IQCF1: variants seen among roughly 807,000 people sequenced by gnomAD.
IQCF1 encodes the protein IQ motif containing F1.
Under a neutral mutation model 12.5 loss-of-function variants are expected in IQCF1, and 9 were observed. The observed-to-expected ratio is 0.72, with a 90% CI of 0.43 to 1.26. IQCF1 has a LOEUF of 1.26. Ranked by LOEUF, IQCF1 falls within the 50% of genes most tolerant of loss-of-function variation. IQCF1 has a pLI of 0.00. For missense variants in IQCF1, 252 were observed against 257.4 expected (o/e 0.98, Z 0.14); for synonymous variants, 67 against 96.2 (o/e 0.70, Z 1.78).
rs201716508 is a variant in IQCF1, at chr3:51,895,355, G to A, written c.172-19C>T. The stretch of plus-strand genomic sequence containing the variant: ...CTGGGGGCTTTCAAGAAAAAAAGAG[G>A]GACCTTCAGAGAATGCTCCCCACTG... On this transcript the variant is annotated intron_variant, in intron 3 of 3. Transcript: ENST00000310914. The surrounding 1 kb of genome is among the most constrained non-coding windows in gnomAD (Gnocchi z 4.8). 1.1e-4 allele frequency: 171 copies of A among 1,594,308 alleles called. No homozygotes were observed. In the African/African-American group the frequency reaches 2.1e-3, roughly 19 times the overall value.
At chr3:51,896,713 GCACA>G (rs59897184) in intron 3 of IQCF1, 115 bp downstream of exon 3, 13 of 609,954 alleles carry the variant, frequency 2.1e-5, no homozygotes, top group South Asian at 3.9e-5. Flanking sequence ...ACACACACAC[GCACA>G]CACACACACA....
rs1406913918 is a variant in IQCF1 at position 51,900,220 on chromosome 3, G to A, written c.108+2765C>T. ...ACTCTACCCTGTGCTGCTAACCACC[G>A]AGACTGCTGTTGTACAGCGGAAAGG... On this transcript the variant is annotated intron_variant, in intron 2 of 3. Transcript: ENST00000310914. The surrounding 1 kb of genome is among the most constrained non-coding windows in gnomAD (Gnocchi z 4.2). Among the ~76,000 whole-genome samples, 2 of 152,068 alleles carry A rather than the reference G, an allele frequency of 1.3e-5. No homozygotes were observed. Among genetic ancestry groups the A allele is most frequent in the African/African-American group, 2.4e-5 (1 of 41,392 alleles).
chr3:51,897,145 C>T (rs1699015167), intron 2 of IQCF1, among the ~76,000 whole-genome samples: 1 of 149,618 alleles, frequency 6.7e-6, no homozygotes, highest in Non-Finnish European at 1.5e-5. Flanking sequence ...TCCTGCTCTG[C>T]CATAACCATT....
intron 3 of IQCF1, among the ~76,000 whole-genome samples, chr3:51,896,114 A>G (rs1698999906): frequency 6.6e-6 from 1 of 152,246 alleles, no homozygotes; most frequent in Non-Finnish European, 1.5e-5. Flanking sequence ...TAAAGAGATT[A>G]ACTAACATCT....
chr3:51,899,395 T>C (rs527987679), intron 2 of IQCF1, among the ~76,000 whole-genome samples: 1 of 152,344 alleles, frequency 6.6e-6, no homozygotes, highest in East Asian at 1.9e-4. Context: ...TTGTATAATT[T>C]AAAAGTAATT....
At position 51,903,196 on chromosome 3, in the gene IQCF1, T is replaced by A. The variant is rs1291792586; in HGVS notation, c.3+74A>T. 3.1e-6 allele frequency: 5 copies of A among 1,600,350 alleles called. No homozygotes were observed. In the African/African-American group the frequency reaches 5.4e-5, roughly 17 times the overall value. On this transcript the variant is annotated intron_variant, in intron 1 of 3. Transcript: ENST00000310914. ...CCAGGGCTTCTTAGAGTCTTCAGTG[T>A]CAGGGGGTCCCTTCACCCTGAGAGA...
intron 2 of IQCF1, among the ~76,000 whole-genome samples, chr3:51,898,035 T>C (rs1285168047): frequency 1.3e-5 from 2 of 152,128 alleles, no homozygotes; most frequent in African/African-American, 4.8e-5. Flanking sequence ...AAGAAAAATA[T>C]TCAGAACACC....
Position 51,903,053 on chromosome 3 carries a change from T to G in IQCF1, c.40A>C (p.Lys14Gln). 6.2e-7 allele frequency: 1 copy of G among 1,614,178 alleles called. No individual in the cohort carries two copies. The highest frequency in any genetic ancestry group is 1.1e-5 in the South Asian group (1 of 91,084). ...KQPQKTKEPSKEDEPQQKEMP... is the reference protein window; with the variant it reads ...KQPQKTKEPSQEDEPQQKEMP... ...TCCTTCTGCTGAGGCTCATCTTCTT[T>G]TGAGGGTTCCTTCGTCTTTTGGGGC... Residue 14 changes from lysine to glutamine, a missense_variant, in exon 2 of 4, where the codon AAA becomes CAA. Physicochemically the swap from Lys to Gln is moderately conservative, Grantham distance 53 (BLOSUM62 1). Coordinates refer to ENST00000310914, the MANE Select transcript of IQCF1 (RefSeq NM_152397.3).
chr3:51,895,054 G>C lies in IQCF1; in HGVS notation c.454C>G (p.Arg152Gly). The change falls in exon 4 of 4, where the codon CGC becomes GGC. Residue 152 changes from arginine (R) to glycine (G), a missense_variant. Physicochemically the swap from Arg to Gly is moderately radical, Grantham distance 125. Coordinates refer to ENST00000310914, the MANE Select transcript of IQCF1 (RefSeq NM_152397.3). The surrounding 1 kb of genome is among the most constrained non-coding windows in gnomAD (Gnocchi z 4.8). Reference protein sequence around the residue: ...RRYCQVLNAVRIIQAYWRCRS... With the variant: ...RRYCQVLNAVGIIQAYWRCRS... ...CACCTCCAGTAAGCCTGGATGATGC[G>C]AACAGCATTGAGCACCTGGCAATAG... The C allele has an allele frequency of 6.2e-7, 1 of 1,614,198 alleles. No homozygotes were observed. The highest frequency in any genetic ancestry group is 8.5e-7 in the Non-Finnish European group (1 of 1,180,052).
chr3:51,902,822 T>C, intron 2 of IQCF1, 163 bp downstream of exon 2: 2 of 718,630 alleles, frequency 2.8e-6, no homozygotes, highest in Middle Eastern at 2.4e-4. Flanking sequence ...CACCCTTCTA[T>C]AGAAGTACCT....
chr3:51,896,445 C>T (rs888634649), intron 3 of IQCF1, among the ~76,000 whole-genome samples: 1 of 152,176 alleles, frequency 6.6e-6, no homozygotes, highest in Non-Finnish European at 1.5e-5. Flanking sequence ...CCACCTTGGG[C>T]ACATGTTCTC....
In IQCF1 at chr3:51,895,149, G is replaced by T. The variant is rs528399229; in HGVS notation, c.359C>A (p.Ala120Asp). ...TGCTGCCCACTCCTTCCGGGAGAAG[G>T]CCTCTAGCGCTGCCTGCCGCCTCTT... is the stretch of plus-strand genomic sequence containing the variant. ...LKKRRQAALE[A>D]FSRKEWAAVT... is the part of the protein sequence containing the mutation. Residue 120 changes from alanine to aspartate, a missense_variant, in exon 4 of 4, where the codon GCC becomes GAC. Physicochemically the swap from Ala to Asp is moderately radical, Grantham distance 126. Coordinates refer to ENST00000310914, the MANE Select transcript of IQCF1 (RefSeq NM_152397.3). The surrounding 1 kb of genome is among the most constrained non-coding windows in gnomAD (Gnocchi z 4.8). 1 of 1,614,242 alleles carries T rather than the reference G, an allele frequency of 6.2e-7. No homozygotes were observed. The highest frequency in any genetic ancestry group is 2.2e-5 in the East Asian group (1 of 44,878).
At chr3:51,901,041 G>A (rs1326622630) in intron 2 of IQCF1, among the ~76,000 whole-genome samples, 13 of 152,216 alleles carry the variant, frequency 8.5e-5, no homozygotes, top group Admixed American at 5.9e-4. Context: ...TCGTAGAAGC[G>A]AAAGACTTAA....
intron 2 of IQCF1, among the ~76,000 whole-genome samples, chr3:51,901,128 A>G (rs372693541): frequency 1.3e-5 from 2 of 152,254 alleles, no homozygotes; most frequent in South Asian, 2.1e-4. Flanking sequence ...CCGTCCGCAC[A>G]TTAAACAAAA....
chr3:51,898,230 AAG>A (rs1699034663), intron 2 of IQCF1, among the ~76,000 whole-genome samples: 1 of 135,244 alleles, frequency 7.4e-6, no homozygotes, highest in South Asian at 2.6e-4. Flanking sequence ...GAGAGAGAGA[AAG>A]AGACAGAAAG....
In IQCF1 at chr3:51,900,285, C is replaced by T. The variant is rs1202424798; in HGVS notation, c.108+2700G>A. ...CACCTGAGTCAAGAAAGCGCCACCC[C>T]TTCCAGAGTCACGGGCCATAGTCCC... On this transcript the variant is annotated intron_variant, in intron 2 of 3. Coordinates refer to ENST00000310914, the MANE Select transcript of IQCF1 (RefSeq NM_152397.3). This position sits in a 1 kb window ranked among gnomAD's most constrained non-coding sequence, Gnocchi z 4.2. 6.6e-6 allele frequency among the ~76,000 whole-genome samples: 1 copy of T among 152,174 alleles called. No homozygotes were observed.
intron 2 of IQCF1, among the ~76,000 whole-genome samples, chr3:51,898,398 T>C (rs1016916611): frequency 3.3e-5 from 5 of 152,246 alleles, no homozygotes; most frequent in African/African-American, 1.2e-4. Flanking sequence ...TACCACCTTG[T>C]TGTCAGTGTA....
chr3:51,896,588 C>T (rs1699005862), intron 3 of IQCF1, among the ~76,000 whole-genome samples: 1 of 152,140 alleles, frequency 6.6e-6, no homozygotes, highest in Non-Finnish European at 1.5e-5. Context: ...AGTTCCTCCA[C>T]CCCAAAGTTC....
At chr3:51,901,886 G>A (rs942642290) in intron 2 of IQCF1, among the ~76,000 whole-genome samples, 2 of 152,200 alleles carry the variant, frequency 1.3e-5, no homozygotes, top group African/African-American at 4.8e-5. Flanking sequence ...CTAGCCGGAT[G>A]GCTTGGGAAA....
Sources: gnomAD v4.1 joint callset for allele counts (sites outside exome capture counted in the v4.1 genomes callset) on GRCh38, gnomAD v4.1.1 for gene constraint, Gnocchi (gnomAD v3.1) non-coding constraint, MANE v1.5 for transcripts, NCBI Gene and HGNC (gene_info 2026-07-23, HGNC 2026-07-21) for gene names.